The following DPP10 variants were observed in gnomAD, a reference collection of about 807,000 sequenced individuals.
DPP10 encodes the protein inactive dipeptidyl peptidase 10.
DPP10 carries 33 observed loss-of-function variants against 120.9 expected under a neutral mutation model. The observed-to-expected ratio is 0.27, with a 90% CI of 0.21 to 0.37. DPP10 has a LOEUF of 0.37. DPP10 is among the 10% of genes least tolerant of loss of function. DPP10 has a pLI of 1.00. For missense variants in DPP10, 816 were observed against 942.8 expected, an observed-to-expected ratio of 0.87 and a Z score of 1.76; for synonymous variants, 337 against 326.1, an observed-to-expected ratio of 1.03 and a Z score of -0.36.
At chr2:115,262,436 T>C (rs904945608) in intron 1 of DPP10, among the ~76,000 whole-genome samples, 6 of 152,052 alleles carry the variant, frequency 3.9e-5, no homozygotes, top group African/African-American at 1.4e-4. Context: ...TTTAAAAATA[T>C]TTTTTCAGAA....
intron 3 of DPP10, among the ~76,000 whole-genome samples, chr2:115,489,506 A>G (rs2075979961): frequency 6.6e-6 from 1 of 152,036 alleles, no homozygotes; most frequent in Non-Finnish European, 1.5e-5. Context: ...AGAGATCACA[A>G]GAATAACAAA....
At chr2:114,803,720 C>A (rs952210081) in intron 1 of DPP10, among the ~76,000 whole-genome samples, 2 of 152,118 alleles carry the variant, frequency 1.3e-5, no homozygotes, top group Non-Finnish European at 2.9e-5. Context: ...TTCTAAGCAG[C>A]AAACCATTCA....
chr2:114,615,987 T>C (rs1693647647), intron 1 of DPP10, among the ~76,000 whole-genome samples: 1 of 152,156 alleles, frequency 6.6e-6, no homozygotes, highest in Non-Finnish European at 1.5e-5. Flanking sequence ...CAACTATCTA[T>C]TTCTAGCAGA....
chr2:114,591,909 ACAT>A (rs1469760393), intron 1 of DPP10, among the ~76,000 whole-genome samples: 1 of 152,092 alleles, frequency 6.6e-6, no homozygotes, highest in African/African-American at 2.4e-5. Flanking sequence ...GTTAACCAAA[ACAT>A]CATTACAGTT....
chr2:114,614,768 A>C (rs537151325), intron 1 of DPP10, among the ~76,000 whole-genome samples: 1 of 152,314 alleles, frequency 6.6e-6, no homozygotes, highest in East Asian at 1.9e-4. Context: ...CTCCTCAGGA[A>C]AAAAAGTGCT....
At chr2:114,481,219 T>C (rs1681014557) in intron 1 of DPP10, among the ~76,000 whole-genome samples, 1 of 152,070 alleles carries the variant, frequency 6.6e-6, no homozygotes, top group African/African-American at 2.4e-5. Flanking sequence ...TAGAGCTCTC[T>C]AACCTCAAAG....
At chr2:114,670,395 T>C (rs561461602) in intron 1 of DPP10, among the ~76,000 whole-genome samples, 19 of 152,104 alleles carry the variant, frequency 1.2e-4, no homozygotes, top group African/African-American at 4.3e-4. Flanking sequence ...ATGGATGAAA[T>C]TGGAAATCAT....
rs754227116 is a variant in DPP10, at chr2:115,684,675, TCAA to T, written c.442-5011_442-5009del. Among the ~76,000 whole-genome samples the T allele has an allele frequency of 7.9e-5, 12 of 151,912 alleles. 1 individual carries two copies. In the East Asian group the frequency reaches 9.6e-4, roughly 12 times the overall value. On this transcript the variant is annotated intron_variant, in intron 5 of 25. Transcript: ENST00000410059. ...GTATCCAGAGATACAAGCCTCTGGT[TCAA>T]GCATAAATTACTGGGATACACTGCT...
intron 2 of DPP10, among the ~76,000 whole-genome samples, chr2:115,313,329 A>G (rs746249753): frequency 6.6e-6 from 1 of 152,206 alleles, no homozygotes; most frequent in Non-Finnish European, 1.5e-5. Flanking sequence ...GAAGAAAAGG[A>G]CATCTTTGGT....
intron 1 of DPP10, among the ~76,000 whole-genome samples, chr2:114,746,950 A>C (rs1377564901): frequency 6.6e-6 from 1 of 152,222 alleles, no homozygotes; most frequent in Admixed American, 6.5e-5. Context: ...GAAACATAAA[A>C]GAGACTTCCC....
chr2:115,520,052 C>T (rs988659732), intron 4 of DPP10, among the ~76,000 whole-genome samples: 1 of 152,176 alleles, frequency 6.6e-6, no homozygotes, highest in Admixed American at 6.5e-5. Context: ...GGCGTCATGG[C>T]TCACGCCTGC....
At chr2:115,288,581 C>T (rs1462130232) in intron 1 of DPP10, among the ~76,000 whole-genome samples, 11 of 151,478 alleles carry the variant, frequency 7.3e-5, no homozygotes, top group African/African-American at 2.4e-4. Flanking sequence ...ATTAGCCAGG[C>T]CTGGTTGGGG....
At chr2:115,693,898 G>T in intron 7 of DPP10, among the ~76,000 whole-genome samples, 1 of 151,976 alleles carries the variant, frequency 6.6e-6, no homozygotes, top group East Asian at 1.9e-4. Context: ...CAGTTCTAAA[G>T]CACTTTGAAT....
intron 21 of DPP10, among the ~76,000 whole-genome samples, chr2:115,831,886 G>T (rs1688963495): frequency 6.6e-6 from 1 of 152,268 alleles, no homozygotes; most frequent in South Asian, 2.1e-4. Context: ...AGCAAAATCC[G>T]ATCACGGGAA....
intron 1 of DPP10, among the ~76,000 whole-genome samples, chr2:115,254,794 T>A (rs1475303962): frequency 6.6e-6 from 1 of 152,170 alleles, no homozygotes; most frequent in Non-Finnish European, 1.5e-5. Flanking sequence ...ATTATCTCCT[T>A]TGACTCCATG....
At chr2:115,456,051 T>A (rs565124978) in intron 3 of DPP10, among the ~76,000 whole-genome samples, 8 of 151,762 alleles carry the variant, frequency 5.3e-5, no homozygotes, top group Non-Finnish European at 1.2e-4. Context: ...TGGGAGAAAA[T>A]TTTTGCAATC....
At chr2:114,801,180 G>A (rs1408194942) in intron 1 of DPP10, among the ~76,000 whole-genome samples, 17 of 150,682 alleles carry the variant, frequency 1.1e-4, no homozygotes, top group African/African-American at 3.2e-4. Flanking sequence ...GGAGAATGGC[G>A]TGAACCCAGG....
At chr2:115,599,520 C>CT (rs2149208194) in intron 5 of DPP10, among the ~76,000 whole-genome samples, 1 of 152,106 alleles carries the variant, frequency 6.6e-6, no homozygotes, top group East Asian at 1.9e-4. Flanking sequence ...ATTTCACTTT[C>CT]TTTTTTATAT....
At chr2:115,453,334 A>G (rs2073267860) in intron 3 of DPP10, among the ~76,000 whole-genome samples, 1 of 151,472 alleles carries the variant, frequency 6.6e-6, no homozygotes, top group Non-Finnish European at 1.5e-5. Flanking sequence ...CTTATTTTCA[A>G]TTATTCTATA....
Sources: gnomAD v4.1 joint callset for allele counts (sites outside exome capture counted in the v4.1 genomes callset) on GRCh38, gnomAD v4.1.1 for gene constraint, MANE v1.5 for transcripts, NCBI Gene and HGNC (gene_info 2026-07-23, HGNC 2026-07-21) for gene names.